The following PTCSC3 variants were observed in gnomAD, a reference collection of about 807,000 sequenced individuals.
PTCSC3 encodes papillary thyroid carcinoma susceptibility candidate 3, also known as papillary thyroid carcinoma susceptibility candidate 3 (non-protein coding).
intron 2 of PTCSC3, among the ~76,000 whole-genome samples, chr14:36,162,046 G>A (rs565029099): frequency 1.3e-5 from 2 of 152,208 alleles, no homozygotes; most frequent in African/African-American, 2.4e-5. Context: ...AGTAATGGCA[G>A]ATGCCCCTCC....
At chr14:36,153,579 A>T (rs183003467) in intron 3 of PTCSC3, among the ~76,000 whole-genome samples, 11 of 152,262 alleles carry the variant, frequency 7.2e-5, no homozygotes, top group African/African-American at 2.2e-4. Context: ...TAACGCTAAA[A>T]CATGTATTCT....
At chr14:36,166,195 T>G (rs776309925) in intron 1 of PTCSC3, among the ~76,000 whole-genome samples, 4 of 152,188 alleles carry the variant, frequency 2.6e-5, no homozygotes, top group Non-Finnish European at 5.9e-5. Context: ...AAGTAATATG[T>G]GAAAGTATTC....
At chr14:36,158,988 A>G (rs183763896) in intron 2 of PTCSC3, among the ~76,000 whole-genome samples, 4 of 151,926 alleles carry the variant, frequency 2.6e-5, no homozygotes, top group Admixed American at 2.0e-4. Context: ...TTGGGAGGGT[A>G]TATGTGTCCA....
intron 1 of PTCSC3, chr14:36,164,208 A>G (rs1233803052): frequency 6.6e-6 from 1 of 152,220 alleles, no homozygotes; most frequent in African/African-American, 2.4e-5. Context: ...ACAATTTGCT[A>G]CGGACAGTTT....
intron 1 of PTCSC3, among the ~76,000 whole-genome samples, chr14:36,167,145 C>T (rs138367644): frequency 1.1e-3 from 164 of 152,334 alleles, no homozygotes; most frequent in African/African-American, 3.5e-3. Context: ...TTAAACCCAG[C>T]AATAGTGAGT....
At chr14:36,138,507 C>T (rs1881338890) in intron 3 of PTCSC3, among the ~76,000 whole-genome samples, 1 of 152,112 alleles carries the variant, frequency 6.6e-6, no homozygotes, top group Admixed American at 6.5e-5. Context: ...AGACAGACAA[C>T]TCACTAAAAA....
intron 2 of PTCSC3, among the ~76,000 whole-genome samples, chr14:36,161,405 C>G (rs527678426): frequency 3.3e-5 from 5 of 152,086 alleles, no homozygotes; most frequent in Middle Eastern, 3.4e-3. Context: ...ATGGGGTTTT[C>G]TGTGTCTGGA....
At chr14:36,136,761 T>A (rs75848647) in intron 3 of PTCSC3, among the ~76,000 whole-genome samples, 6,694 of 152,184 alleles carry the variant, frequency 0.044, 229 homozygotes, top group Admixed American at 0.096. Context: ...GTGAAGAGAG[T>A]TCTTCATAGG....
chr14:36,146,920 G>A (rs1008348060), intron 3 of PTCSC3, among the ~76,000 whole-genome samples: 1 of 152,160 alleles, frequency 6.6e-6, no homozygotes, highest in African/African-American at 2.4e-5. Context: ...CTTTGCTTAT[G>A]AAGCTTAGTT....
chr14:36,160,209 G>A (rs569182440), intron 2 of PTCSC3, among the ~76,000 whole-genome samples: 138 of 152,252 alleles, frequency 9.1e-4, no homozygotes, highest in Non-Finnish European at 1.8e-3. Flanking sequence ...TTTAATTGGG[G>A]CATTTAGTCC....
At chr14:36,149,051 AT>A (rs1299049355) in intron 3 of PTCSC3, among the ~76,000 whole-genome samples, 2 of 151,774 alleles carry the variant, frequency 1.3e-5, no homozygotes, top group Non-Finnish European at 2.9e-5. Flanking sequence ...TTAAGGTTAT[AT>A]AACTCTTTCT....
intron 3 of PTCSC3, among the ~76,000 whole-genome samples, chr14:36,147,705 G>A (rs1000048599): frequency 1.3e-5 from 2 of 152,052 alleles, no homozygotes; most frequent in Non-Finnish European, 2.9e-5. Flanking sequence ...TTGCTGGTGA[G>A]GAACTGCGTT....
chr14:36,139,125 A>AT (rs1371031823), intron 3 of PTCSC3, among the ~76,000 whole-genome samples: 1 of 150,116 alleles, frequency 6.7e-6, no homozygotes, highest in Non-Finnish European at 1.5e-5. Context: ...AAAATAAAAA[A>AT]AAAAAAAAAA....
chr14:36,146,110 G>A (rs968016842), intron 3 of PTCSC3, among the ~76,000 whole-genome samples: 4 of 146,312 alleles, frequency 2.7e-5, no homozygotes, highest in African/African-American at 1.0e-4. Context: ...AATAGGTGTG[G>A]TGTGGTGCTG....
rs550854159 is a variant in PTCSC3, at chr14:36,140,420, T to C, written n.323-4064A>G. Among the ~76,000 whole-genome samples, 242 of 152,310 alleles carry C rather than the reference T, an allele frequency of 1.6e-3. 1 individual carries two copies. Among genetic ancestry groups the C allele is most frequent in the African/African-American group, 5.7e-3 (235 of 41,564 alleles). On this transcript the variant is annotated intron_variant and non_coding_transcript_variant, in intron 3 of 3. Transcript: ENST00000556013. ...TTTACCTTCGTCAGAAACTGCCAGA[T>C]TGTGTTCTAAAGCAGCTGTGCCATT... is the stretch of plus-strand genomic sequence containing the variant.
chr14:36,152,773 A>G (rs1881750604), intron 3 of PTCSC3, among the ~76,000 whole-genome samples: 1 of 151,972 alleles, frequency 6.6e-6, no homozygotes, highest in Non-Finnish European at 1.5e-5. Flanking sequence ...GGGCACCTGT[A>G]ATCCCAGCTA....
chr14:36,135,860 CAG>C (rs1306892421), downstream of PTCSC3, among the ~76,000 whole-genome samples: 7 of 126,178 alleles, frequency 5.5e-5, no homozygotes, highest in East Asian at 1.6e-3. Context: ...TCTAGAGGGA[CAG>C]ATATATATAT....
intron 3 of PTCSC3, among the ~76,000 whole-genome samples, chr14:36,150,339 C>T (rs1435244025): frequency 6.6e-6 from 1 of 152,090 alleles, no homozygotes; most frequent in Non-Finnish European, 1.5e-5. Context: ...CAACTTTCAC[C>T]ACATGAGGAC....
intron 3 of PTCSC3, among the ~76,000 whole-genome samples, chr14:36,150,872 ATGT>A (rs2139097264): frequency 6.6e-6 from 1 of 152,280 alleles, no homozygotes; most frequent in South Asian, 2.1e-4. Flanking sequence ...GAAGCTATAT[ATGT>A]TGTTGATATT....
Sources: allele counts gnomAD v4.1 joint callset (sites outside exome capture counted in the v4.1 genomes callset), GRCh38; gene constraint gnomAD v4.1.1; transcripts MANE v1.5; gene names NCBI Gene and HGNC (gene_info 2026-07-23, HGNC 2026-07-21).